GRID1: variants seen among roughly 807,000 people sequenced by gnomAD.
GRID1 encodes glutamate ionotropic receptor delta type subunit 1, also known as glutamate receptor ionotropic, delta-1.
A neutral mutation model predicts 98.0 loss-of-function variants in GRID1; 28 were observed. The ratio of observed to expected loss-of-function variants is 0.29; its 90% CI spans 0.21 to 0.39. The LOEUF (loss-of-function observed/expected upper bound fraction) is 0.39. Ranked by LOEUF, GRID1 falls within the 10% of genes least tolerant of loss-of-function variation. GRID1 has a pLI of 1.00. For synonymous variants in GRID1, 553 were observed against 538.5 expected, an observed-to-expected ratio of 1.03 and a Z score of -0.37; for missense variants, 1,111 against 1,340.5, an observed-to-expected ratio of 0.83 and a Z score of 2.67.
intron 12 of GRID1, among the ~76,000 whole-genome samples, chr10:85,718,650 G>A (rs930284641): frequency 6.6e-6 from 1 of 152,200 alleles, no homozygotes; most frequent in Non-Finnish European, 1.5e-5. Context: ...CATGGTGGGA[G>A]CATTTGGGAC....
chr10:85,915,749 A>G (rs540402049), intron 5 of GRID1, among the ~76,000 whole-genome samples: 1 of 152,248 alleles, frequency 6.6e-6, no homozygotes, highest in African/African-American at 2.4e-5. Context: ...ACGCATGTGC[A>G]CACCCTGCAT....
At chr10:85,632,878 C>T (rs907724784) in intron 13 of GRID1, among the ~76,000 whole-genome samples, 1 of 152,116 alleles carries the variant, frequency 6.6e-6, no homozygotes, top group Non-Finnish European at 1.5e-5. Flanking sequence ...TGATGCCATC[C>T]CTCCATCCCC....
chr10:85,796,371 CT>C (rs1228215257), intron 8 of GRID1, among the ~76,000 whole-genome samples: 6 of 152,114 alleles, frequency 3.9e-5, no homozygotes. Flanking sequence ...AGAATACATA[CT>C]ATAACAAATT....
Position 85,748,153 on chromosome 10 carries a change from C to T in GRID1, c.1234-18539G>A, listed in dbSNP as rs912066160. Reference sequence around the variant, plus strand: ...CTGCCTCTATGTGGCCTCCAAAGACCCTGGGCTCAGACATTCAAACATTCA... The same window carrying T: ...CTGCCTCTATGTGGCCTCCAAAGACTCTGGGCTCAGACATTCAAACATTCA... On this transcript the variant is annotated intron_variant, in intron 8 of 15. Coordinates refer to ENST00000327946, the MANE Select transcript of GRID1 (RefSeq NM_017551.3). 2.0e-5 allele frequency among the ~76,000 whole-genome samples: 3 copies of T among 151,910 alleles called. No homozygotes were observed. The East Asian group carries it at 5.8e-4, about 30-fold the overall frequency.
intron 12 of GRID1, among the ~76,000 whole-genome samples, chr10:85,678,673 C>A (rs1298072015): frequency 1.3e-5 from 2 of 152,096 alleles, no homozygotes; most frequent in African/African-American, 4.8e-5. Context: ...CTCTGGCTAC[C>A]CTCTGTCTAA....
intron 3 of GRID1, among the ~76,000 whole-genome samples, chr10:86,180,820 T>C (rs185404246): frequency 6.6e-6 from 1 of 152,114 alleles, no homozygotes; most frequent in East Asian, 1.9e-4. Flanking sequence ...CAAATGGCAA[T>C]AAGATCCCTG....
intron 5 of GRID1, among the ~76,000 whole-genome samples, chr10:85,876,433 G>A (rs1281615436): frequency 1.3e-5 from 2 of 151,652 alleles, no homozygotes; most frequent in South Asian, 2.1e-4. Flanking sequence ...AAAGATGCTG[G>A]GATTGCATTT....
At chr10:85,937,497 T>C (rs1350050517) in intron 4 of GRID1, among the ~76,000 whole-genome samples, 1 of 152,250 alleles carries the variant, frequency 6.6e-6, no homozygotes, top group Non-Finnish European at 1.5e-5. Context: ...CCCTACCCTG[T>C]CTCATCTCAG....
chr10:86,026,923 G>T lies in GRID1; in HGVS notation c.727-110684C>A, dbSNP rs143601842. Among the ~76,000 whole-genome samples, 182 of 152,276 alleles carry T rather than the reference G, an allele frequency of 1.2e-3. 3 individuals carry two copies. The East Asian group carries it at 0.034, about 29-fold the overall frequency. On this transcript the variant is annotated intron_variant, in intron 4 of 15. Coordinates refer to ENST00000327946, the MANE Select transcript of GRID1 (RefSeq NM_017551.3). ...TGTTCCTGGCCTGTAAAGTAGGAGAGCACCACTCTCACAGCTGCGTGGAGA... is the reference window on the plus strand; with the variant it reads ...TGTTCCTGGCCTGTAAAGTAGGAGATCACCACTCTCACAGCTGCGTGGAGA...
At chr10:85,721,136 A>G (rs1410285811) in intron 12 of GRID1, among the ~76,000 whole-genome samples, 2 of 152,258 alleles carry the variant, frequency 1.3e-5, no homozygotes, top group Non-Finnish European at 1.5e-5. Flanking sequence ...AAATAAAACC[A>G]CAATGAAGTA....
intron 4 of GRID1, among the ~76,000 whole-genome samples, chr10:86,128,338 G>T (rs1460762533): frequency 1.3e-5 from 2 of 152,106 alleles, no homozygotes; most frequent in East Asian, 3.9e-4. Context: ...AGGGCTTCTT[G>T]GATGGGGTTG....
intron 8 of GRID1, 33 bp downstream of exon 8, chr10:85,854,463 G>A (rs746969560): frequency 1.2e-6 from 2 of 1,609,540 alleles, no homozygotes; most frequent in Non-Finnish European, 1.7e-6. Flanking sequence ...CACCATAGCA[G>A]GAAGATTGGA....
intron 5 of GRID1, among the ~76,000 whole-genome samples, chr10:85,895,013 A>AT (rs1564620716): frequency 5.8e-4 from 73 of 125,880 alleles, no homozygotes; most frequent in African/African-American, 1.2e-3. Flanking sequence ...AAAAAAAAAA[A>AT]AAAATATATA....
At chr10:85,652,885 A>G (rs530135708) in intron 12 of GRID1, among the ~76,000 whole-genome samples, 3 of 152,306 alleles carry the variant, frequency 2.0e-5, no homozygotes, top group African/African-American at 7.2e-5. Context: ...ACAGTGCTCT[A>G]TGTCTGGGGA....
At chr10:85,744,366 C>A (rs1359648925) in intron 8 of GRID1, among the ~76,000 whole-genome samples, 1 of 152,108 alleles carries the variant, frequency 6.6e-6, no homozygotes, top group East Asian at 1.9e-4. Context: ...AATTTTAAAA[C>A]CCACACAATT....
intron 15 of GRID1, among the ~76,000 whole-genome samples, chr10:85,604,356 G>C (rs1350950544): frequency 6.6e-6 from 1 of 152,196 alleles, no homozygotes; most frequent in African/African-American, 2.4e-5. Flanking sequence ...AGGAAATCAA[G>C]ACAGCCAACT....
At chr10:86,070,452 G>A (rs750353734) in intron 4 of GRID1, among the ~76,000 whole-genome samples, 1 of 152,152 alleles carries the variant, frequency 6.6e-6, no homozygotes, top group East Asian at 1.9e-4. Context: ...TATCTTAAAT[G>A]CTGCCCTGAC....
chr10:85,954,960 A>G (rs904350725), intron 4 of GRID1, among the ~76,000 whole-genome samples: 1 of 152,216 alleles, frequency 6.6e-6, no homozygotes. Context: ...CTTTTCTAGT[A>G]CATACTTTGA....
chr10:85,884,902 T>G (rs543557168), intron 5 of GRID1, among the ~76,000 whole-genome samples: 3 of 152,168 alleles, frequency 2.0e-5, no homozygotes, highest in African/African-American at 7.2e-5. Flanking sequence ...CAAAAACAAG[T>G]AGAGAAGAAA....
Sources: gnomAD v4.1 joint callset for allele counts (sites outside exome capture counted in the v4.1 genomes callset) on GRCh38, gnomAD v4.1.1 for gene constraint, MANE v1.5 for transcripts, NCBI Gene and HGNC (gene_info 2026-07-23, HGNC 2026-07-21) for gene names.